Variants in SATB1 observed in about 807,000 individuals in gnomAD.
SATB1 encodes the protein SATB homeobox 1.
Under a neutral mutation model 86.9 loss-of-function variants are expected in SATB1, and 11 were observed. The observed-to-expected ratio is 0.13, with a 90% CI of 0.08 to 0.21. The LOEUF (loss-of-function observed/expected upper bound fraction) is 0.21, where lower values mean the gene tolerates loss of function less well. SATB1 is among the 10% of genes least tolerant of loss of function. SATB1 has a pLI of 1.00. For synonymous variants in SATB1, 357 were observed against 357.2 expected, an observed-to-expected ratio of 1.00 and a Z score of 0.01; for missense variants, 551 against 937.6, an observed-to-expected ratio of 0.59 and a Z score of 5.39.
chr3:18,418,420 T>C (rs1452609518), intron 2 of SATB1, among the ~76,000 whole-genome samples: 1 of 152,172 alleles, frequency 6.6e-6, no homozygotes, highest in Non-Finnish European at 1.5e-5. Context: ...CAAGAGATTC[T>C]AGGTCTGACA....
chr3:18,375,106 A>G (rs1329335354), intron 9 of SATB1, among the ~76,000 whole-genome samples: 1 of 152,120 alleles, frequency 6.6e-6, no homozygotes, highest in Non-Finnish European at 1.5e-5. Flanking sequence ...TGAATATGTC[A>G]ATGAAGAAAG....
chr3:18,430,276 C>T (rs897296468), upstream of SATB1, among the ~76,000 whole-genome samples: 5 of 152,164 alleles, frequency 3.3e-5, no homozygotes, highest in African/African-American at 1.2e-4. Context: ...AAATGGCTTT[C>T]AGACATTCCA....
chr3:18,437,019 G>C (rs1317311733), intron 1 of SATB1: 1 of 152,134 alleles, frequency 6.6e-6, no homozygotes. Flanking sequence ...ATCCAGGTTT[G>C]AGATTTAGAC....
chr3:18,434,806 T>A (rs1160805474), intron 2 of SATB1: 1 of 151,822 alleles, frequency 6.6e-6, no homozygotes, highest in Non-Finnish European at 1.5e-5. Context: ...TAAGGAAATT[T>A]CTCACATGCT....
upstream of SATB1, among the ~76,000 whole-genome samples, chr3:18,429,481 T>G (rs925673140): frequency 1.3e-5 from 2 of 152,208 alleles, no homozygotes; most frequent in Non-Finnish European, 2.9e-5. The surrounding 1 kb of genome is among the most constrained non-coding windows in gnomAD (Gnocchi z 4.1). Flanking sequence ...GTTTGCAGTA[T>G]TTGTATGCAC....
upstream of SATB1, among the ~76,000 whole-genome samples, chr3:18,427,695 C>A (rs1037351753): frequency 1.1e-4 from 16 of 152,096 alleles, no homozygotes; most frequent in Admixed American, 3.3e-4. Context: ...TGAATAGCAC[C>A]TTTTATCTGA....
intron 8 of SATB1, among the ~76,000 whole-genome samples, chr3:18,384,078 T>G (rs914152536): frequency 6.6e-6 from 1 of 152,232 alleles, no homozygotes; most frequent in East Asian, 1.9e-4. Context: ...ATGTATATAC[T>G]GTATATTTTC....
chr3:18,394,322 C>T lies in SATB1; in HGVS notation c.1206+140G>A. 1 of 729,068 alleles carries T rather than the reference C, an allele frequency of 1.4e-6. No individual in the cohort carries two copies. The highest frequency in any genetic ancestry group is 2.3e-6 in the Non-Finnish European group (1 of 442,800). 45.2% of individuals were successfully genotyped at this position (729,068 alleles called of 1,614,324 possible). ...AAGGAGTGGTAAAATTGAGGCTCCA[C>T]CAGGAATAGGTAATATGATCACATG... On this transcript the variant is annotated intron_variant, in intron 7 of 10. Transcript: ENST00000338745. The surrounding 1 kb of genome is among the most constrained non-coding windows in gnomAD (Gnocchi z 5.9).
chr3:18,445,362 GCGGCGGGC>G, intron 1 of SATB1: 3 of 985,142 alleles, frequency 3.0e-6, no homozygotes, highest in Non-Finnish European at 3.6e-6. Flanking sequence ...GGTGTGGGGG[GCGGCGGGC>G]CGGAGGGGCG....
intron 7 of SATB1, among the ~76,000 whole-genome samples, chr3:18,392,915 A>C (rs1396496862): frequency 2.6e-5 from 4 of 151,810 alleles, no homozygotes; most frequent in African/African-American, 9.7e-5. Context: ...AAAACCATAC[A>C]ATTTTAACCT....
chr3:18,355,397 T>C (rs1694579899), intron 9 of SATB1, among the ~76,000 whole-genome samples: 1 of 152,078 alleles, frequency 6.6e-6, no homozygotes, highest in Admixed American at 6.5e-5. Context: ...CTGATTTATG[T>C]TTTGCAGAAA....
At chr3:18,365,693 A>G (rs1050019930) in intron 9 of SATB1, among the ~76,000 whole-genome samples, 12 of 152,170 alleles carry the variant, frequency 7.9e-5, no homozygotes, top group African/African-American at 2.9e-4. Flanking sequence ...ATAACTTTAT[A>G]TTATATGTGG....
At chr3:18,431,613 G>A (rs1199248985) in intron 2 of SATB1, among the ~76,000 whole-genome samples, 2 of 152,172 alleles carry the variant, frequency 1.3e-5, no homozygotes, top group East Asian at 3.9e-4. Context: ...ATACAGCCAG[G>A]TTTGGCATCT....
At chr3:18,410,960 T>C (rs967126983) in intron 5 of SATB1, 6 of 394,756 alleles carry the variant, frequency 1.5e-5, no homozygotes, top group Non-Finnish European at 2.7e-5. Flanking sequence ...AGAGCAGTAC[T>C]GAAGCTAAGC....
At chr3:18,393,407 A>G (rs1213023989) in intron 7 of SATB1, among the ~76,000 whole-genome samples, 1 of 152,182 alleles carries the variant, frequency 6.6e-6, no homozygotes, top group Non-Finnish European at 1.5e-5. Flanking sequence ...ATCACGTATC[A>G]TACTAGTTTC....
rs916752252 is a variant in SATB1, at chr3:18,444,703, G to C, written c.-25+815C>G. 1 of 976,470 alleles carries C rather than the reference G, an allele frequency of 1.0e-6. No individual in the cohort carries two copies. The highest frequency in any genetic ancestry group is 4.7e-5 in the South Asian group (1 of 21,090). The allele number at this position is 976,470 out of a possible 1,614,324, so 60.5% of individuals were successfully genotyped here. A position where few individuals can be genotyped will look rare whatever the true frequency, so the allele number is the denominator to read the frequency against. On this transcript the variant is annotated intron_variant, in intron 1 of 3. Coordinates refer to the SATB1 transcript ENST00000415069. This position sits in a 1 kb window ranked among gnomAD's most constrained non-coding sequence, Gnocchi z 5.1. ...GGCGCGCCGGCGTCGGACTTCCGAG[G>C]CGGCGGCTTCTGCCTCTCCTGCCGC... is the stretch of plus-strand genomic sequence containing the variant.
chr3:18,429,253 G>A (rs1362241517), upstream of SATB1, among the ~76,000 whole-genome samples: 1 of 152,180 alleles, frequency 6.6e-6, no homozygotes, highest in Non-Finnish European at 1.5e-5. This position sits in a 1 kb window ranked among gnomAD's most constrained non-coding sequence, Gnocchi z 4.1. Flanking sequence ...TGTCAGGACC[G>A]ATTTCTGCAT....
intron 5 of SATB1, chr3:18,408,584 T>C (rs1200049921): frequency 1.3e-5 from 2 of 151,994 alleles, no homozygotes; most frequent in Non-Finnish European, 2.9e-5. Context: ...AAAGGCTCTC[T>C]TATGTTTTTC....
chr3:18,420,626 T>TA, intron 2 of SATB1, 131 bp downstream of exon 2: 3 of 729,488 alleles, frequency 4.1e-6, no homozygotes, highest in Non-Finnish European at 7.2e-6. Flanking sequence ...AGAATGTAAC[T>TA]AATGTACGAT....
Sources: gnomAD v4.1 joint callset for allele counts (sites outside exome capture counted in the v4.1 genomes callset) on GRCh38, gnomAD v4.1.1 for gene constraint, Gnocchi (gnomAD v3.1) non-coding constraint, MANE v1.5 for transcripts, NCBI Gene and HGNC (gene_info 2026-07-23, HGNC 2026-07-21) for gene names.